The following PADI3 variants were observed in gnomAD, a reference collection of about 807,000 sequenced individuals.
PADI3 encodes the protein peptidyl arginine deiminase 3, also known as protein-arginine deiminase type-3.
Under a neutral mutation model 71.5 loss-of-function variants are expected in PADI3, and 53 were observed. The ratio of observed to expected loss-of-function variants is 0.74; its 90% CI spans 0.59 to 0.93. The LOEUF is 0.93. Among genes scored for constraint, PADI3 ranks in the 40% least tolerant of loss-of-function variants. The probability of loss-of-function intolerance (pLI) is 0.00; values close to 1 mark genes in which losing one functional copy is unlikely to be tolerated. For missense variants in PADI3, 821 were observed against 868.0 expected (o/e 0.95, Z 0.68); for synonymous variants, 361 against 347.5 (o/e 1.04, Z -0.43).
chr1:17,262,660 G>T (rs2073118247), intron 3 of PADI3, among the ~76,000 whole-genome samples: 1 of 152,192 alleles, frequency 6.6e-6, no homozygotes. Context: ...AAATGGAAAT[G>T]CTAGACATAA....
At chr1:17,264,341 C>T (rs1446764716) in intron 3 of PADI3, among the ~76,000 whole-genome samples, 1 of 146,482 alleles carries the variant, frequency 6.8e-6, no homozygotes, top group Non-Finnish European at 1.5e-5. Flanking sequence ...TACACACACA[C>T]ACACACACAC....
At chr1:17,278,260 G>T (rs1421679009) in intron 13 of PADI3, among the ~76,000 whole-genome samples, 1 of 152,088 alleles carries the variant, frequency 6.6e-6, no homozygotes, top group African/African-American at 2.4e-5. Flanking sequence ...TTGAGACAGG[G>T]TCTATCAGCC....
In PADI3 at chr1:17,283,204, G is replaced by T. The variant is rs1336796165; in HGVS notation, c.*125G>T. The T allele has an allele frequency of 5.6e-6, 4 of 710,630 alleles. No homozygotes were observed. In the East Asian group the frequency reaches 8.1e-5, roughly 14 times the overall value. The allele number at this position is 710,630 out of a possible 1,614,324, so 44.0% of individuals were successfully genotyped here. ...AGGCTCCAGATGGAACACTGAGGGTGACCGTCCCTCTCAGAAGCCTTTTCC... is the reference window on the plus strand; with the variant it reads ...AGGCTCCAGATGGAACACTGAGGGTTACCGTCCCTCTCAGAAGCCTTTTCC... On this transcript the variant is annotated 3_prime_UTR_variant, in exon 16 of 16. Coordinates refer to ENST00000375460, the MANE Select transcript of PADI3 (RefSeq NM_016233.2).
chr1:17,254,905 G>A (rs1047210400), intron 1 of PADI3, among the ~76,000 whole-genome samples: 4 of 152,058 alleles, frequency 2.6e-5, no homozygotes, highest in South Asian at 4.1e-4. Flanking sequence ...TAGTGGAGAC[G>A]TGGTTTCTCC....
At chr1:17,278,856 A>C (rs2073366709) in intron 13 of PADI3, among the ~76,000 whole-genome samples, 1 of 152,170 alleles carries the variant, frequency 6.6e-6, no homozygotes, top group African/African-American at 2.4e-5. Flanking sequence ...AAGTATAATA[A>C]TTTCCAAAGT....
At chr1:17,263,740 C>T (rs74227529) in intron 3 of PADI3, among the ~76,000 whole-genome samples, 6 of 152,256 alleles carry the variant, frequency 3.9e-5, no homozygotes, top group African/African-American at 1.2e-4. Flanking sequence ...ATACGGCTGA[C>T]TTGGTGCATA....
intron 4 of PADI3, among the ~76,000 whole-genome samples, 196 bp from the exon 5 acceptor site, chr1:17,266,523 C>G (rs1010092578): frequency 1.3e-5 from 2 of 152,220 alleles, no homozygotes; most frequent in Non-Finnish European, 2.9e-5. Context: ...CCATGAAAGA[C>G]AGCTCTGTGC....
At chr1:17,281,773 G>A (rs777869848) in intron 15 of PADI3, among the ~76,000 whole-genome samples, 2 of 152,184 alleles carry the variant, frequency 1.3e-5, no homozygotes, top group Non-Finnish European at 1.5e-5. Flanking sequence ...TCTTGAGCTT[G>A]CCTTTGAAAC....
intron 5 of PADI3, among the ~76,000 whole-genome samples, chr1:17,267,158 T>C (rs975064081): frequency 2.6e-5 from 4 of 152,154 alleles, no homozygotes; most frequent in African/African-American, 7.2e-5. Context: ...CAAATTCTCA[T>C]TGAATCATCC....
intron 15 of PADI3, among the ~76,000 whole-genome samples, chr1:17,282,344 C>T (rs1298578200): frequency 6.6e-6 from 1 of 152,296 alleles, no homozygotes; most frequent in East Asian, 1.9e-4. Flanking sequence ...CCCTCTCCAC[C>T]TCCTACTTCT....
At chr1:17,274,599 C>T in intron 10 of PADI3, 36 bp from the exon 11 acceptor site, 1 of 1,581,218 alleles carries the variant, frequency 6.3e-7, no homozygotes, top group South Asian at 1.2e-5. Context: ...CTTCCTGGTA[C>T]CCTCCACCCC....
intron 9 of PADI3, among the ~76,000 whole-genome samples, chr1:17,272,745 G>C (rs1219650095): frequency 6.6e-6 from 1 of 152,168 alleles, no homozygotes. Flanking sequence ...CAATCCTCCC[G>C]CCTCACCCTC....
At chr1:17,252,103 T>A (rs759592410) in intron 1 of PADI3, among the ~76,000 whole-genome samples, 43 of 152,194 alleles carry the variant, frequency 2.8e-4, no homozygotes, top group Admixed American at 3.9e-4. Flanking sequence ...TTTTCTTTCT[T>A]GAGCAGTGAG....
intron 11 of PADI3, 30 bp downstream of exon 11, chr1:17,274,816 G>A: frequency 1.2e-6 from 2 of 1,607,110 alleles, no homozygotes; most frequent in South Asian, 2.2e-5. Flanking sequence ...TGGAGTTCCT[G>A]GGGTGGAGGC....
chr1:17,269,337 C>T lies in PADI3; in HGVS notation c.653-896C>T, dbSNP rs117606652. Among the ~76,000 whole-genome samples, 157 of 152,294 alleles carry T rather than the reference C, an allele frequency of 1.0e-3. 3 individuals are homozygous for T. The East Asian group carries it at 0.026, about 25-fold the overall frequency. Reference sequence around the variant, plus strand: ...CTTTTCTGGTATTTATTGAGCTCTACTTCATTCTTTTCCACTGCTGTATAA... The same window carrying T: ...CTTTTCTGGTATTTATTGAGCTCTATTTCATTCTTTTCCACTGCTGTATAA... On this transcript the variant is annotated intron_variant, in intron 6 of 15. Transcript: ENST00000375460.
chr1:17,272,980 G>A (rs1349807298), intron 9 of PADI3, among the ~76,000 whole-genome samples: 3 of 152,148 alleles, frequency 2.0e-5, no homozygotes, highest in African/African-American at 7.2e-5. Flanking sequence ...AACCAGAGGG[G>A]TCAGGACTGA....
intron 8 of PADI3, 40 bp downstream of exon 8, chr1:17,271,022 G>C (rs2073241690): frequency 6.2e-7 from 1 of 1,612,942 alleles, no homozygotes; most frequent in Non-Finnish European, 8.5e-7. Flanking sequence ...TGGCCCCCAG[G>C]CCCCGGCTCC....
At chr1:17,266,439 A>G (rs1557504653) in intron 4 of PADI3, among the ~76,000 whole-genome samples, 1 of 152,198 alleles carries the variant, frequency 6.6e-6, no homozygotes, top group African/African-American at 2.4e-5. Flanking sequence ...ATGAGCACAG[A>G]GTGAGGCGTG....
chr1:17,276,491 A>G, intron 11 of PADI3, 28 bp from the exon 12 acceptor site: 1 of 1,612,374 alleles, frequency 6.2e-7, no homozygotes, highest in South Asian at 1.1e-5. Flanking sequence ...TAGTTAAGCA[A>G]CTTTTTTTTT....
Sources: allele counts gnomAD v4.1 joint callset (sites outside exome capture counted in the v4.1 genomes callset), GRCh38; gene constraint gnomAD v4.1.1; transcripts MANE v1.5; gene names NCBI Gene and HGNC (gene_info 2026-07-23, HGNC 2026-07-21).